The following PTPRD variants were observed in gnomAD, a reference collection of about 807,000 sequenced individuals.
PTPRD encodes receptor-type tyrosine-protein phosphatase delta.
A neutral mutation model predicts 214.5 loss-of-function variants in PTPRD; 34 were observed. That is an observed-to-expected ratio of 0.16 (90% CI 0.12 to 0.21). PTPRD has a LOEUF of 0.21. Ranked by LOEUF, PTPRD falls within the 10% of genes least tolerant of loss-of-function variation. PTPRD has a pLI of 1.00. For synonymous variants in PTPRD, 1,128 were observed against 845.7 expected, an observed-to-expected ratio of 1.33 and a Z score of -5.79; for missense variants, 2,545 against 2,398.7, an observed-to-expected ratio of 1.06 and a Z score of -1.27.
chr9:8,327,965 T>A (rs1835676975), intron 44 of PTPRD, among the ~76,000 whole-genome samples: 1 of 152,028 alleles, frequency 6.6e-6, no homozygotes, highest in African/African-American at 2.4e-5. Context: ...TCACTCCTCT[T>A]TATCCAATTG....
chr9:10,124,292 T>C (rs1031255389), intron 3 of PTPRD, among the ~76,000 whole-genome samples: 1 of 152,338 alleles, frequency 6.6e-6, no homozygotes, highest in East Asian at 1.9e-4. Flanking sequence ...ATTTAGTGAA[T>C]AAAAAGGTAT....
At chr9:9,960,661 C>T (rs2094298460) in intron 4 of PTPRD, among the ~76,000 whole-genome samples, 1 of 152,030 alleles carries the variant, frequency 6.6e-6, no homozygotes, top group South Asian at 2.1e-4. Context: ...AAACAGGAGA[C>T]AAATTCTAAC....
At chr9:10,534,037 T>C (rs1762580481) in intron 2 of PTPRD, among the ~76,000 whole-genome samples, 1 of 151,700 alleles carries the variant, frequency 6.6e-6, no homozygotes, top group Non-Finnish European at 1.5e-5. Context: ...TAGTGAAATG[T>C]ATTTTTATTT....
At chr9:9,081,360 CTGTT>C (rs1281408943) in intron 10 of PTPRD, among the ~76,000 whole-genome samples, 3 of 152,032 alleles carry the variant, frequency 2.0e-5, no homozygotes, top group Admixed American at 6.6e-5. Context: ...GTCTGAGAGA[CTGTT>C]TGTTATGATT....
rs1193676143 is a variant in PTPRD, at chr9:10,137,677, T to G, written c.-544-103887A>C. ...GTAACTAACCTGCACAATGTGCACA[T>G]GTACCCTAAAACTTAGAGTATAATA... On this transcript the variant is annotated intron_variant, in intron 3 of 45. Transcript: ENST00000381196. 6.2e-5 allele frequency among the ~76,000 whole-genome samples: 4 copies of G among 64,808 alleles called. 1 individual carries two copies. The highest frequency in any genetic ancestry group is 2.0e-4 in the Admixed American group (1 of 5,064). The allele number at this position is 64,808 out of a possible 152,430, so 42.5% of individuals were successfully genotyped here. A position where few individuals can be genotyped will look rare whatever the true frequency, so the allele number is the denominator to read the frequency against.
At chr9:10,064,490 T>C (rs761064166) in intron 3 of PTPRD, among the ~76,000 whole-genome samples, 2 of 152,006 alleles carry the variant, frequency 1.3e-5, no homozygotes, top group Non-Finnish European at 2.9e-5. Flanking sequence ...TCTCTTCCAG[T>C]GAAATCAAAC....
chr9:10,274,377 C>T (rs1427643490), intron 3 of PTPRD, among the ~76,000 whole-genome samples: 2 of 152,152 alleles, frequency 1.3e-5, no homozygotes, highest in Non-Finnish European at 2.9e-5. Flanking sequence ...AGTGCTATGA[C>T]AACAGGAGGC....
chr9:9,521,918 G>A (rs911378555), intron 8 of PTPRD, among the ~76,000 whole-genome samples: 1 of 152,110 alleles, frequency 6.6e-6, no homozygotes, highest in East Asian at 1.9e-4. Flanking sequence ...GGCACTTTGG[G>A]AGGCAGAGGC....
chr9:10,294,825 A>T (rs2095628947), intron 3 of PTPRD, among the ~76,000 whole-genome samples: 1 of 151,996 alleles, frequency 6.6e-6, no homozygotes, highest in Middle Eastern at 3.2e-3. Context: ...TCTGTAACCT[A>T]AATGACAAAT....
At chr9:9,307,592 T>G (rs1397719687) in intron 9 of PTPRD, among the ~76,000 whole-genome samples, 1 of 152,170 alleles carries the variant, frequency 6.6e-6, no homozygotes, top group African/African-American at 2.4e-5. Context: ...TACTGTTGCT[T>G]TAGGTAGAAT....
chr9:9,939,815 A>G (rs1423061776), intron 4 of PTPRD, among the ~76,000 whole-genome samples: 1 of 152,194 alleles, frequency 6.6e-6, no homozygotes, highest in East Asian at 1.9e-4. Flanking sequence ...GGCTCAAGAA[A>G]GTCCCACCAG....
At chr9:9,340,167 G>T (rs1408709056) in intron 9 of PTPRD, among the ~76,000 whole-genome samples, 3 of 152,082 alleles carry the variant, frequency 2.0e-5, no homozygotes, top group Non-Finnish European at 4.4e-5. Context: ...TGACTGATGG[G>T]GATGACTGGC....
intron 8 of PTPRD, among the ~76,000 whole-genome samples, chr9:9,410,844 A>C (rs772642016): frequency 5.3e-5 from 8 of 152,170 alleles, no homozygotes; most frequent in Non-Finnish European, 1.0e-4. Flanking sequence ...ACATGTAAAC[A>C]AGAAACACAT....
At chr9:8,669,264 G>T (rs1346371814) in intron 12 of PTPRD, among the ~76,000 whole-genome samples, 1 of 152,102 alleles carries the variant, frequency 6.6e-6, no homozygotes, top group Non-Finnish European at 1.5e-5. Context: ...CAGGAATATG[G>T]CATCTTATCT....
chr9:10,225,016 G>C (rs1448418548), intron 3 of PTPRD, among the ~76,000 whole-genome samples: 1 of 151,904 alleles, frequency 6.6e-6, no homozygotes, highest in Non-Finnish European at 1.5e-5. Context: ...TAAGCTTTTG[G>C]GGAGCCAAAA....
chr9:9,141,735 A>G (rs2099860779), intron 10 of PTPRD, among the ~76,000 whole-genome samples: 1 of 150,514 alleles, frequency 6.6e-6, no homozygotes, highest in Non-Finnish European at 1.5e-5. Flanking sequence ...TAATGTAAAC[A>G]TATATTTATA....
intron 7 of PTPRD, among the ~76,000 whole-genome samples, chr9:9,648,333 G>A (rs1374216806): frequency 6.6e-6 from 1 of 152,060 alleles, no homozygotes; most frequent in African/African-American, 2.4e-5. Flanking sequence ...GTGTCAGGTG[G>A]GACCAGAATC....
intron 20 of PTPRD, among the ~76,000 whole-genome samples, chr9:8,519,342 A>T (rs779548564): frequency 6.6e-6 from 1 of 152,182 alleles, no homozygotes; most frequent in Non-Finnish European, 1.5e-5. Flanking sequence ...AAATCAAAAT[A>T]CTACTAATTA....
Position 8,317,293 on chromosome 9 carries a change from A to AATG in PTPRD, c.*578_*580dup, listed in dbSNP as rs1240816420. On this transcript the variant is annotated 3_prime_UTR_variant, in exon 46 of 46. Coordinates refer to ENST00000381196, the MANE Select transcript of PTPRD (RefSeq NM_002839.4). ...AACTTTTTTAAAATTCACTTTATCG[A>AATG]ATGATACATTTTGTTAAAAAAAAGT... The AATG allele has an allele frequency of 1.3e-5, 3 of 232,296 alleles. No individual in the cohort carries two copies. Among genetic ancestry groups the AATG allele is most frequent in the African/African-American group, 2.2e-5 (1 of 45,266 alleles). 14.4% of individuals were successfully genotyped at this position (232,296 alleles called of 1,614,324 possible).
Sources: gnomAD v4.1 joint callset for allele counts (sites outside exome capture counted in the v4.1 genomes callset) on GRCh38, gnomAD v4.1.1 for gene constraint, MANE v1.5 for transcripts, NCBI Gene and HGNC (gene_info 2026-07-23, HGNC 2026-07-21) for gene names.